TUBB8: variants seen among roughly 807,000 people sequenced by gnomAD.
TUBB8 encodes the protein tubulin beta 8 class VIII.
Under a neutral mutation model 33.7 loss-of-function variants are expected in TUBB8, and 25 were observed. The observed-to-expected ratio is 0.74, with a 90% CI of 0.54 to 1.04. TUBB8 has a LOEUF of 1.04. Ranked by LOEUF, TUBB8 falls within the 50% of genes least tolerant of loss-of-function variation. The probability of loss-of-function intolerance (pLI) is 0.00; values close to 1 mark genes in which losing one functional copy is unlikely to be tolerated. For missense variants in TUBB8, 279 were observed against 608.0 expected, an observed-to-expected ratio of 0.46 and a Z score of 5.69; for synonymous variants, 245 against 240.1, an observed-to-expected ratio of 1.02 and a Z score of -0.19.
chr10:65,800 G>T (rs1211409689), intron 1 of TUBB8, among the ~76,000 whole-genome samples: 1 of 152,196 alleles, frequency 6.6e-6, no homozygotes, highest in Non-Finnish European at 1.5e-5. Context: ...GTATTTTGAG[G>T]ATTGCACAAC....
At chr10:68,206 G>A (rs1431783834) in intron 1 of TUBB8, among the ~76,000 whole-genome samples, 1 of 152,218 alleles carries the variant, frequency 6.6e-6, no homozygotes, top group African/African-American at 2.4e-5. Flanking sequence ...CCACAAGACT[G>A]CTGTGACACC....
Position 72,796 on chromosome 10 carries a change from G to A in TUBB8, c.-846+1173C>T, listed in dbSNP as rs564173990. Among the ~76,000 whole-genome samples the A allele has an allele frequency of 4.6e-5, 7 of 150,858 alleles. No individual in the cohort carries two copies. The South Asian group carries it at 8.4e-4, about 18-fold the overall frequency. ...CAACCTGGGAGGTGGAGGTTACAGC[G>A]AGCTGAGCTCACGCCACTGCACTCC... On this transcript the variant is annotated intron_variant, in intron 1 of 3. Transcript: ENST00000564130.
rs374804594 is a variant in TUBB8, at chr10:58,954, G to C, written c.-845-8721C>G. Among the ~76,000 whole-genome samples the C allele has an allele frequency of 2.6e-5, 4 of 152,062 alleles. No individual in the cohort carries two copies. The South Asian group carries it at 8.3e-4, about 31-fold the overall frequency. On this transcript the variant is annotated intron_variant, in intron 1 of 3. Transcript: ENST00000564130. The stretch of plus-strand genomic sequence containing the variant: ...CTGATTGCTCCAGACAGGACTTTCA[G>C]AATTATGTTGAATAACAGTGGTAAA...
upstream of TUBB8, among the ~76,000 whole-genome samples, chr10:51,728 TCTC>T (rs34000741): frequency 0.62 from 93,367 of 150,994 alleles, 31,276 homozygotes; most frequent in Middle Eastern, 0.77. Context: ...TCATAAATAT[TCTC>T]CTATTATCCA....
chr10:60,787 T>G (rs1329525509), intron 1 of TUBB8, among the ~76,000 whole-genome samples: 2 of 152,076 alleles, frequency 1.3e-5, no homozygotes, highest in Non-Finnish European at 2.9e-5. Flanking sequence ...GTATGTTTAT[T>G]GCGGCACTAT....
chr10:49,285 C>G lies in TUBB8; in HGVS notation c.-47G>C, dbSNP rs1554739093. On this transcript the variant is annotated 5_prime_UTR_variant, in exon 1 of 4. Coordinates refer to ENST00000568584, the MANE Select transcript of TUBB8 (RefSeq NM_177987.3). ...GCAGGAGAAACGTGAGAAGGAGGAG[C>G]AGACGCGCAGCGACCCAGCCCGCCC... 1 of 1,549,998 alleles carries G rather than the reference C, an allele frequency of 6.5e-7. No homozygotes were observed. The highest frequency in any genetic ancestry group is 1.4e-5 in the African/African-American group (1 of 73,156).
upstream of TUBB8, among the ~76,000 whole-genome samples, chr10:51,794 C>A (rs1554739607): frequency 6.6e-6 from 1 of 152,192 alleles, no homozygotes; most frequent in African/African-American, 2.4e-5. Flanking sequence ...GGTCAAAAAC[C>A]TGTAGGTGCT....
upstream of TUBB8, among the ~76,000 whole-genome samples, chr10:75,645 ACT>A (rs1361656076): frequency 2.3e-5 from 3 of 128,720 alleles, no homozygotes; most frequent in South Asian, 2.5e-4. Flanking sequence ...ACAGAGCAAG[ACT>A]CTGTCTCAAA....
chr10:76,017 T>A (rs1472951353), upstream of TUBB8, among the ~76,000 whole-genome samples: 1 of 150,924 alleles, frequency 6.6e-6, no homozygotes, highest in Non-Finnish European at 1.5e-5. Context: ...CGGGTCCCTG[T>A]AATTCCAGCT....
At chr10:53,307 T>A (rs1274493857), upstream of TUBB8, among the ~76,000 whole-genome samples, 3 of 152,152 alleles carry the variant, frequency 2.0e-5, no homozygotes, top group Non-Finnish European at 4.4e-5. Context: ...TTTGTATCTT[T>A]AGTAGAAATG....
At chr10:52,623 T>C (rs1554739733), upstream of TUBB8, among the ~76,000 whole-genome samples, 1 of 152,236 alleles carries the variant, frequency 6.6e-6, no homozygotes, top group Admixed American at 6.5e-5. Context: ...ACAATGACCA[T>C]TAACCCGTTG....
upstream of TUBB8, chr10:50,215 GT>G (rs1834448940): frequency 6.6e-6 from 1 of 152,208 alleles, no homozygotes; most frequent in African/African-American, 2.4e-5. Flanking sequence ...CTGTTTTAGT[GT>G]CTTGAAAAGA....
chr10:54,052 A>C (rs1336230168), upstream of TUBB8, among the ~76,000 whole-genome samples: 2 of 152,242 alleles, frequency 1.3e-5, no homozygotes, highest in Admixed American at 6.5e-5. Context: ...CAATCCAATT[A>C]TACTATTTTA....
At chr10:73,757 T>C (rs72651762) in intron 1 of TUBB8, among the ~76,000 whole-genome samples, 1 of 130,684 alleles carries the variant, frequency 7.7e-6, no homozygotes, top group Non-Finnish European at 1.7e-5. Context: ...GCGTCTCCGC[T>C]TTCCTCCTCC....
chr10:72,688 T>A (rs1373282442), intron 1 of TUBB8, among the ~76,000 whole-genome samples: 4 of 151,864 alleles, frequency 2.6e-5, no homozygotes, highest in African/African-American at 9.7e-5. Context: ...CCATCTCTAC[T>A]AAAAATACAA....
At chr10:69,190 G>A (rs1834707059) in intron 1 of TUBB8, among the ~76,000 whole-genome samples, 1 of 152,220 alleles carries the variant, frequency 6.6e-6, no homozygotes, top group African/African-American at 2.4e-5. Context: ...CCACAGGACT[G>A]ACCATGACCT....
At chr10:59,292 G>A (rs1315117226) in intron 1 of TUBB8, among the ~76,000 whole-genome samples, 3 of 152,086 alleles carry the variant, frequency 2.0e-5, no homozygotes, top group South Asian at 2.1e-4. Flanking sequence ...GGGTTCAAGC[G>A]ATTCTCCTGC....
At chr10:66,734 G>A (rs373855183) in intron 1 of TUBB8, among the ~76,000 whole-genome samples, 6,631 of 106,062 alleles carry the variant, frequency 0.063, no homozygotes, top group African/African-American at 0.15. Flanking sequence ...TGCTTTGGGA[G>A]GCCAAGAGAG....
intron 1 of TUBB8, among the ~76,000 whole-genome samples, chr10:73,156 G>A (rs1834760114): frequency 6.6e-6 from 1 of 152,234 alleles, no homozygotes; most frequent in Non-Finnish European, 1.5e-5. Flanking sequence ...AAGAAAAACT[G>A]TTGTTGACGA....
Sources: allele counts gnomAD v4.1 joint callset (sites outside exome capture counted in the v4.1 genomes callset), GRCh38; gene constraint gnomAD v4.1.1; transcripts MANE v1.5; gene names NCBI Gene and HGNC (gene_info 2026-07-23, HGNC 2026-07-21).